PTPRN2: variants seen among roughly 807,000 people sequenced by gnomAD.
PTPRN2 encodes the protein receptor-type tyrosine-protein phosphatase N2.
PTPRN2 carries 74 observed loss-of-function variants against 118.8 expected under a neutral mutation model. The observed-to-expected ratio is 0.62, with a 90% CI of 0.52 to 0.76. The LOEUF (loss-of-function observed/expected upper bound fraction) is 0.76, where lower values mean the gene tolerates loss of function less well. Ranked by LOEUF, PTPRN2 falls within the 30% of genes least tolerant of loss-of-function variation. The probability of loss-of-function intolerance (pLI) is 0.00; values close to 1 mark genes in which losing one functional copy is unlikely to be tolerated. For synonymous variants in PTPRN2, 641 were observed against 608.0 expected, an observed-to-expected ratio of 1.05 and a Z score of -0.80; for missense variants, 1,481 against 1,394.4, an observed-to-expected ratio of 1.06 and a Z score of -0.99.
At chr7:158,485,637 A>G (rs34942159) in intron 2 of PTPRN2, among the ~76,000 whole-genome samples, 43,484 of 96,032 alleles carry the variant, frequency 0.45, 11,743 homozygotes, top group South Asian at 0.64. Context: ...CCCTCTCTGC[A>G]CCCCTCCTGC....
chr7:158,172,594 C>T (rs1038436282), intron 5 of PTPRN2, among the ~76,000 whole-genome samples: 3 of 150,538 alleles, frequency 2.0e-5, no homozygotes, highest in Admixed American at 2.0e-4. Flanking sequence ...ACTATCTCCA[C>T]CATCAACAAC....
At position 158,578,491 on chromosome 7, in the gene PTPRN2, T is replaced by C. The variant is rs893825309; in HGVS notation, c.112+9067A>G. ...TCAGGGCTGCAGTGAACTATGACTA[T>C]GCCACTGCACTCCAGTCTGGGCTAC... On this transcript the variant is annotated intron_variant, in intron 1 of 22. Transcript: ENST00000389418. Among the ~76,000 whole-genome samples the C allele has an allele frequency of 2.8e-5, 4 of 144,744 alleles. No homozygotes were observed. In the East Asian group the frequency reaches 8.5e-4, roughly 31 times the overall value. 95.0% of individuals were successfully genotyped at this position (144,744 alleles called of 152,430 possible).
intron 2 of PTPRN2, among the ~76,000 whole-genome samples, chr7:158,411,705 G>C (rs1022305851): frequency 6.6e-6 from 1 of 152,212 alleles, no homozygotes; most frequent in Non-Finnish European, 1.5e-5. Flanking sequence ...GGAAGGCGCC[G>C]CCCCGCGGCA....
At chr7:158,400,101 C>T (rs1812820877) in intron 2 of PTPRN2, among the ~76,000 whole-genome samples, 1 of 152,138 alleles carries the variant, frequency 6.6e-6, no homozygotes, top group African/African-American at 2.4e-5. Context: ...GTAACAGATG[C>T]CTTTATGTCA....
intron 2 of PTPRN2, among the ~76,000 whole-genome samples, chr7:158,323,985 GCACA>G (rs1157511987): frequency 5.3e-5 from 8 of 151,716 alleles, no homozygotes; most frequent in African/African-American, 1.9e-4. Context: ...ACACAAGTGT[GCACA>G]CACTCATTTG....
intron 13 of PTPRN2, among the ~76,000 whole-genome samples, chr7:157,666,896 A>G (rs1366386422): frequency 6.8e-6 from 1 of 147,968 alleles, no homozygotes; most frequent in Admixed American, 6.8e-5. Context: ...GATGAGTACG[A>G]GCCCTGGCTT....
intron 2 of PTPRN2, among the ~76,000 whole-genome samples, chr7:158,446,403 G>A (rs1027367107): frequency 4.0e-5 from 6 of 151,822 alleles, no homozygotes; most frequent in South Asian, 2.1e-4. Flanking sequence ...GCCCACTCAC[G>A]ATGGAGTCTG....
chr7:157,686,172 C>G (rs1319470431), intron 12 of PTPRN2, among the ~76,000 whole-genome samples: 1 of 152,166 alleles, frequency 6.6e-6, no homozygotes, highest in African/African-American at 2.4e-5. Flanking sequence ...TCCCAGGGCC[C>G]GGCTGGGAAA....
chr7:157,722,633 A>G (rs1382923992), intron 12 of PTPRN2, among the ~76,000 whole-genome samples: 1 of 152,154 alleles, frequency 6.6e-6, no homozygotes, highest in Non-Finnish European at 1.5e-5. Flanking sequence ...GCGGCCCTCC[A>G]TTCCTCGGCA....
chr7:157,543,931 G>A (rs928357476), intron 22 of PTPRN2, among the ~76,000 whole-genome samples: 7 of 152,354 alleles, frequency 4.6e-5, no homozygotes, highest in African/African-American at 1.7e-4. Context: ...CACCAGGGCG[G>A]AGGGACAGAG....
chr7:158,152,017 C>CAA (rs1397244327), intron 6 of PTPRN2, among the ~76,000 whole-genome samples: 1 of 151,732 alleles, frequency 6.6e-6, no homozygotes. Context: ...ACTAAAAATA[C>CAA]AAAAAAATTA....
intron 3 of PTPRN2, among the ~76,000 whole-genome samples, chr7:158,211,469 G>A (rs1326569493): frequency 1.3e-5 from 2 of 151,956 alleles, no homozygotes; most frequent in Non-Finnish European, 2.9e-5. Context: ...ATCTGACAAG[G>A]GATTAATAAC....
chr7:157,952,326 G>C (rs556466215), intron 11 of PTPRN2, among the ~76,000 whole-genome samples: 15 of 150,280 alleles, frequency 1.0e-4, no homozygotes, highest in African/African-American at 1.5e-4. Context: ...TAGTGTGCAC[G>C]CCTGAGACAG....
intron 2 of PTPRN2, among the ~76,000 whole-genome samples, chr7:158,482,453 C>A (rs114176329): frequency 1.6e-3 from 251 of 152,346 alleles, no homozygotes; most frequent in African/African-American, 5.9e-3. Context: ...GCCATTAACA[C>A]TGCGGCAAGA....
chr7:158,034,983 A>G, intron 11 of PTPRN2, among the ~76,000 whole-genome samples: 1 of 152,200 alleles, frequency 6.6e-6, no homozygotes, highest in East Asian at 1.9e-4. Flanking sequence ...CCCTGAGCAA[A>G]ACATTAGAAA....
At chr7:158,189,635 A>T (rs1056450629) in intron 5 of PTPRN2, among the ~76,000 whole-genome samples, 8 of 152,188 alleles carry the variant, frequency 5.3e-5, no homozygotes, top group African/African-American at 1.9e-4. Flanking sequence ...ACTTCTTCCG[A>T]GTCTCTGAAA....
chr7:157,706,176 G>T (rs549823825), intron 12 of PTPRN2, among the ~76,000 whole-genome samples: 12 of 152,154 alleles, frequency 7.9e-5, no homozygotes, highest in Admixed American at 7.9e-4. Flanking sequence ...AGATCAATGT[G>T]CACTACACCC....
chr7:158,440,459 GTAGCTATGGGTGTGGTGGTGA>G (rs1427947523), intron 2 of PTPRN2, among the ~76,000 whole-genome samples: 1 of 151,458 alleles, frequency 6.6e-6, no homozygotes, highest in African/African-American at 2.4e-5. Context: ...GGTAATGGTA[GTAGCTATGGGTGTGGTGGTGA>G]TGATGGTGGT....
At chr7:157,890,085 T>TG (rs1407703613) in intron 12 of PTPRN2, among the ~76,000 whole-genome samples, 1 of 152,038 alleles carries the variant, frequency 6.6e-6, no homozygotes, top group Non-Finnish European at 1.5e-5. Context: ...TTTTTTTTTT[T>TG]GGTGAAGGTT....
Sources: allele counts gnomAD v4.1 joint callset (sites outside exome capture counted in the v4.1 genomes callset), GRCh38; gene constraint gnomAD v4.1.1; transcripts MANE v1.5; gene names NCBI Gene and HGNC (gene_info 2026-07-23, HGNC 2026-07-21).